AHSA1: variants seen among roughly 807,000 people sequenced by gnomAD.
AHSA1 encodes activator of 90 kDa heat shock protein ATPase homolog 1.
AHSA1 carries 14 observed loss-of-function variants against 46.1 expected under a neutral mutation model. The ratio of observed to expected loss-of-function variants is 0.30; its 90% confidence interval spans 0.20 to 0.47. The LOEUF is 0.47. Ranked by LOEUF, AHSA1 falls within the 20% of genes least tolerant of loss-of-function variation. AHSA1 has a pLI of 0.99. For missense variants in AHSA1, 333 were observed against 415.9 expected (o/e 0.80, Z 1.73); for synonymous variants, 147 against 145.8 (o/e 1.01, Z -0.06).
intron 6 of AHSA1, 137 bp downstream of exon 6, chr14:77,465,804 G>C: frequency 1.2e-6 from 1 of 831,064 alleles, no homozygotes; most frequent in Non-Finnish European, 1.7e-6. Context: ...TCATCAAAGT[G>C]AATTTTTCCC....
In AHSA1 at chr14:77,458,254, TCAA is replaced by T. The variant is rs1369178949; in HGVS notation, c.70_72del (p.Asn24del). On this transcript the variant is annotated inframe_deletion, in exon 1 of 9. Transcript: ENST00000216479. ...GAGGAGCGGGCGGACGCCACCAACG[TCAA>T]CAACTGGCACTGGTGAGGGCCAGAA... 6.5e-7 allele frequency: 1 copy of T among 1,547,574 alleles called. No homozygotes were observed.
intron 1 of AHSA1, 120 bp downstream of exon 1, chr14:77,458,389 G>T: frequency 9.6e-7 from 1 of 1,041,708 alleles, no homozygotes; most frequent in Non-Finnish European, 1.4e-6. Context: ...GGAGATGGGG[G>T]TGGGTCCTTC....
chr14:77,465,153 T>A (rs1378157303), intron 5 of AHSA1, among the ~76,000 whole-genome samples: 1 of 152,220 alleles, frequency 6.6e-6, no homozygotes, highest in Non-Finnish European at 1.5e-5. Context: ...AGCACTTGGT[T>A]TAGAGCCCTG....
At chr14:77,467,423 G>A (rs1280304023) in intron 6 of AHSA1, among the ~76,000 whole-genome samples, 1 of 151,916 alleles carries the variant, frequency 6.6e-6, no homozygotes, top group Non-Finnish European at 1.5e-5. Flanking sequence ...GCTGGGCGCG[G>A]TGGCTCACGC....
intron 8 of AHSA1, 152 bp downstream of exon 8, chr14:77,468,660 C>T: frequency 1.5e-6 from 1 of 689,196 alleles, no homozygotes; most frequent in Non-Finnish European, 2.5e-6. Flanking sequence ...CCTCCCAGAC[C>T]CAAACGATCC....
At chr14:77,466,565 T>C (rs2079048726) in intron 6 of AHSA1, 1 of 152,254 alleles carries the variant, frequency 6.6e-6, no homozygotes, top group African/African-American at 2.4e-5. Context: ...AATTAAGAGG[T>C]ACCATGTAGT....
chr14:77,458,842 C>G (rs1239284487), intron 1 of AHSA1, among the ~76,000 whole-genome samples: 3 of 152,098 alleles, frequency 2.0e-5, no homozygotes, highest in Non-Finnish European at 4.4e-5. Context: ...GGTTTTATAA[C>G]CTGACCGTTC....
upstream of AHSA1, chr14:77,458,067 G>C (rs2078993069): frequency 1.2e-6 from 1 of 801,532 alleles, no homozygotes; most frequent in African/African-American, 1.8e-5. Context: ...GGAAAAGCAA[G>C]CCAGGAGGTG....
chr14:77,459,559 T>C (rs939774593), intron 1 of AHSA1, 57 bp from the exon 2 acceptor site: 14 of 1,571,460 alleles, frequency 8.9e-6, no homozygotes, highest in East Asian at 4.5e-5. Context: ...TTCTCTTGCA[T>C]AGAGCAGCGT....
intron 1 of AHSA1, among the ~76,000 whole-genome samples, chr14:77,458,660 C>A (rs1201087098): frequency 2.0e-5 from 3 of 152,190 alleles, no homozygotes; most frequent in Non-Finnish European, 4.4e-5. Context: ...GTCTGTAATT[C>A]CTATTTTGCG....
intron 2 of AHSA1, chr14:77,460,076 T>TA (rs1448597433): frequency 2.1e-6 from 1 of 473,904 alleles, no homozygotes; most frequent in Non-Finnish European, 3.9e-6. Context: ...TTGGGACACC[T>TA]ACGATGATAT....
In AHSA1 at chr14:77,469,207, G is replaced by A. The variant is rs2079062870; in HGVS notation, c.975G>A (p.Glu325=). ...AGGGCTGGCAGCGGTACTACTTTGA[G>A]GGCATTAAACAGACCTTTGGCTATG... ...TRQGWQRYYF[E]GIKQTFGYGA... is the part of the protein sequence containing the mutation. The change falls in exon 9 of 9, where the codon GAG becomes GAA. Residue 325 remains glutamate, a synonymous_variant. Transcript: ENST00000216479. 3 of 1,614,030 alleles carry A rather than the reference G, an allele frequency of 1.9e-6. No homozygotes were observed.
chr14:77,462,522 C>A, intron 3 of AHSA1, 120 bp from the exon 4 acceptor site: 2 of 938,870 alleles, frequency 2.1e-6, no homozygotes, highest in Non-Finnish European at 3.5e-6. Context: ...TGTACGAATA[C>A]CGCAGTACTC....
At chr14:77,457,960 C>G, upstream of AHSA1, 9 of 528,932 alleles carry the variant, frequency 1.7e-5, no homozygotes, top group Non-Finnish European at 2.3e-5. Flanking sequence ...TCTGAAGGAT[C>G]TCTAAATCAG....
intron 2 of AHSA1, among the ~76,000 whole-genome samples, chr14:77,460,716 C>T (rs574394438): frequency 2.2e-4 from 34 of 151,842 alleles, no homozygotes; most frequent in African/African-American, 7.0e-4. Context: ...TGCCCGCCAC[C>T]ACGCCCGGCT....
chr14:77,467,791 A>G (rs1444464499), intron 6 of AHSA1, among the ~76,000 whole-genome samples: 1 of 152,260 alleles, frequency 6.6e-6, no homozygotes, highest in Admixed American at 6.5e-5. Flanking sequence ...TTTACTTGAG[A>G]ATTTTCTTTC....
chr14:77,468,316 AAAAG>A, intron 7 of AHSA1, 132 bp downstream of exon 7: 1 of 1,155,376 alleles, frequency 8.7e-7, no homozygotes. Flanking sequence ...GTTTTTCAAA[AAAAG>A]GCTGTGATTT....
intron 6 of AHSA1, among the ~76,000 whole-genome samples, chr14:77,467,567 G>T (rs540655444): frequency 1.3e-3 from 195 of 152,244 alleles, no homozygotes; most frequent in African/African-American, 4.5e-3. Context: ...GGTGGCATGC[G>T]CCTGTAATCC....
chr14:77,460,798 G>A (rs562013538), intron 2 of AHSA1, among the ~76,000 whole-genome samples: 16 of 150,996 alleles, frequency 1.1e-4, no homozygotes, highest in Admixed American at 2.6e-4. Context: ...TCTGGCCGAC[G>A]CTTTTTTTTT....
Sources: gnomAD v4.1 joint callset for allele counts (sites outside exome capture counted in the v4.1 genomes callset) on GRCh38, gnomAD v4.1.1 for gene constraint, MANE v1.5 for transcripts, NCBI Gene and HGNC (gene_info 2026-07-23, HGNC 2026-07-21) for gene names.